PRPF31: variants seen among roughly 807,000 people sequenced by gnomAD.
PRPF31 encodes the protein U4/U6 small nuclear ribonucleoprotein Prp31.
A neutral mutation model predicts 60.4 loss-of-function variants in PRPF31; 12 were observed. The ratio of observed to expected loss-of-function variants is 0.20; its 90% confidence interval spans 0.13 to 0.32. The LOEUF (loss-of-function observed/expected upper bound fraction) is 0.32. PRPF31 is among the 10% of genes least tolerant of loss of function. The pLI is 1.00. For synonymous variants in PRPF31, 287 were observed against 287.9 expected (o/e 1.00, Z 0.03); for missense variants, 431 against 687.1 (o/e 0.63, Z 4.17).
intron 13 of PRPF31, 27 bp from the exon 14 acceptor site, chr19:54,131,280 A>G: frequency 6.2e-7 from 1 of 1,613,460 alleles, no homozygotes; most frequent in Non-Finnish European, 8.5e-7. Context: ...CACCTAACCC[A>G]TCATCCTCTC....
intron 11 of PRPF31, 124 bp from the exon 12 acceptor site, chr19:54,128,933 A>T: frequency 1.0e-6 from 1 of 995,092 alleles, no homozygotes. Context: ...TGGGTACCGG[A>T]GCAGGTGCCC....
chr19:54,131,312 G>A lies in PRPF31; in HGVS notation c.1380G>A (p.Leu460=), dbSNP rs377605774. 2.2e-5 allele frequency: 36 copies of A among 1,613,798 alleles called. No homozygotes were observed. Among genetic ancestry groups the A allele is most frequent in the Non-Finnish European group, 2.9e-5 (34 of 1,179,984 alleles). ...TCTCTCCCTCACCTGCCCAGGGCCT[G>A]GAGATTGTGAACCCACAGGCGGCAG... The part of the protein sequence containing the change: ...SSVAFTPLQG[L]EIVNPQAAEK... The change falls in exon 14 of 14, where the codon CTG becomes CTA. Residue 460 remains leucine, a synonymous_variant. Coordinates refer to ENST00000321030, the MANE Select transcript of PRPF31 (RefSeq NM_015629.4).
intron 13 of PRPF31, among the ~76,000 whole-genome samples, chr19:54,129,833 G>A (rs587674237): frequency 5.3e-5 from 8 of 151,684 alleles, no homozygotes; most frequent in South Asian, 2.1e-4. Context: ...TCGGAGCCTC[G>A]GTTTACCATC....
At position 54,128,217 on chromosome 19, in the gene PRPF31, G is replaced by A. The variant is rs587687884; in HGVS notation, c.1073+17G>A. 1.3e-6 allele frequency: 2 copies of A among 1,569,358 alleles called. No individual in the cohort carries two copies. Among genetic ancestry groups the A allele is most frequent in the South Asian group, 1.2e-5 (1 of 85,428 alleles). On this transcript the variant is annotated intron_variant, in intron 10 of 13. Coordinates refer to ENST00000321030, the MANE Select transcript of PRPF31 (RefSeq NM_015629.4). ...CGGCCGCAGGTGAGGGGCCCTGGGG[G>A]TCCGGTAGGCATGGGGGTCATGGAG...
In PRPF31 at chr19:54,115,800, G is replaced by A. The variant is rs762066202; in HGVS notation, c.-9+3G>A. ...ACAGTGGTGCGCGGAGAGGAGAGGT[G>A]AGTGTGATGGGGACCACGGGGAGCG... On this transcript the variant is annotated splice_donor_region_variant and intron_variant, in intron 1 of 13. Transcript: ENST00000321030. The A allele has an allele frequency of 5.4e-4, 125 of 232,434 alleles. No homozygotes were observed. Among genetic ancestry groups the A allele is most frequent in the Non-Finnish European group, 9.4e-4 (110 of 116,882 alleles). 14.4% of individuals were successfully genotyped at this position (232,434 alleles called of 1,614,324 possible).
chr19:54,128,034 A>G (rs1568597320), intron 9 of PRPF31, 39 bp from the exon 10 acceptor site: 3 of 1,548,050 alleles, frequency 1.9e-6, no homozygotes, highest in Non-Finnish European at 2.6e-6. Context: ...TGGGCAGCCC[A>G]CGCGAGCAGC....
intron 8 of PRPF31, 162 bp from the exon 9 acceptor site, chr19:54,126,366 T>C (rs2073920790): frequency 1.4e-6 from 1 of 697,238 alleles, no homozygotes; most frequent in African/African-American, 1.7e-5. Context: ...CCCCTCTTCC[T>C]GTGAAGTAGG....
chr19:54,123,661 C>T (rs1252147370), intron 6 of PRPF31, 88 bp from the exon 7 acceptor site: 4 of 678,286 alleles, frequency 5.9e-6, no homozygotes, highest in Non-Finnish European at 6.7e-6. Context: ...TACACACATG[C>T]ACACACACAC....
intron 8 of PRPF31, chr19:54,124,998 G>A (rs751309746): frequency 1.9e-4 from 88 of 458,948 alleles, no homozygotes; most frequent in Non-Finnish European, 2.6e-4. Context: ...TCGGGTTAGC[G>A]TGCAACTGCT....
chr19:54,131,319 G>C lies in PRPF31; in HGVS notation c.1387G>C (p.Val463Leu). Residue 463 changes from valine to leucine, a missense_variant, in exon 14 of 14, where the codon GTG becomes CTG. Val to Leu is a conservative substitution (Grantham distance 32). Around this residue, in one of 4 missense-constraint regions of PRPF31, gnomAD observed 314 missense variants for 475.3 expected, o/e 0.66. Coordinates refer to ENST00000321030, the MANE Select transcript of PRPF31 (RefSeq NM_015629.4). Reference sequence around the variant, plus strand: ...CTCACCTGCCCAGGGCCTGGAGATTGTGAACCCACAGGCGGCAGAGAAGAA... The same window carrying C: ...CTCACCTGCCCAGGGCCTGGAGATTCTGAACCCACAGGCGGCAGAGAAGAA... ...AFTPLQGLEIVNPQAAEKKVA... is the reference protein window; with the variant it reads ...AFTPLQGLEILNPQAAEKKVA... 6.2e-7 allele frequency: 1 copy of C among 1,613,968 alleles called. No homozygotes were observed. The highest frequency in any genetic ancestry group is 8.5e-7 in the Non-Finnish European group (1 of 1,180,008).
intron 5 of PRPF31, 174 bp from the exon 6 acceptor site, chr19:54,123,280 G>A: frequency 4.5e-6 from 3 of 666,846 alleles, no homozygotes; most frequent in African/African-American, 1.8e-5. Context: ...TTGACGTGGT[G>A]GAGGCAGGAA....
chr19:54,122,102 T>C, intron 4 of PRPF31, 159 bp downstream of exon 4: 1 of 803,004 alleles, frequency 1.2e-6, no homozygotes, highest in Non-Finnish European at 2.1e-6. Flanking sequence ...GGAAGTGCGT[T>C]CTCTCGCGTA....
In PRPF31 at chr19:54,122,567, T is replaced by A; in HGVS notation, c.393T>A (p.Asn131Lys). The change falls in exon 5 of 14, where the codon AAT becomes AAA. Residue 131 changes from asparagine to lysine, a missense_variant. Coordinates refer to ENST00000321030, the MANE Select transcript of PRPF31 (RefSeq NM_015629.4). Reference sequence around the variant, plus strand: ...CTGAACTGGAGTCCTTGGTCCCCAATGCACTGGATTACATCCGCACGGTCA... The same window carrying A: ...CTGAACTGGAGTCCTTGGTCCCCAAAGCACTGGATTACATCCGCACGGTCA... Reference protein sequence around the residue: ...RFPELESLVPNALDYIRTVKE... With the variant: ...RFPELESLVPKALDYIRTVKE... 1 of 1,614,158 alleles carries A rather than the reference T, an allele frequency of 6.2e-7. No individual in the cohort carries two copies. The highest frequency in any genetic ancestry group is 8.5e-7 in the Non-Finnish European group (1 of 1,179,978).
At chr19:54,122,730 C>T in intron 5 of PRPF31, 136 bp downstream of exon 5, 1 of 779,056 alleles carries the variant, frequency 1.3e-6, no homozygotes, top group Non-Finnish European at 2.3e-6. Context: ...TCTGCTCTGC[C>T]CAGCGTGGGA....
At chr19:54,130,306 C>T (rs1489723388) in intron 13 of PRPF31, among the ~76,000 whole-genome samples, 1 of 151,338 alleles carries the variant, frequency 6.6e-6, no homozygotes, top group African/African-American at 2.4e-5. Flanking sequence ...GCAGACAGCT[C>T]AGTAAGATGC....
In PRPF31 at chr19:54,123,150, G is replaced by A. The variant is rs111244812; in HGVS notation, c.421-304G>A. On this transcript the variant is annotated intron_variant, in intron 5 of 13. Transcript: ENST00000321030. ...GAAGCCCCTGCAGGGAAGCGAGGCC[G>A]CGGATTTGCACTCCGACTTGACGCA... is the stretch of plus-strand genomic sequence containing the variant. 20 of 551,050 alleles carry A rather than the reference G, an allele frequency of 3.6e-5. 1 individual carries two copies. The Middle Eastern group carries it at 1.4e-3, about 40-fold the overall frequency. The allele number at this position is 551,050 out of a possible 1,614,324, so 34.1% of individuals were successfully genotyped here.
chr19:54,118,091 G>A (rs1244113508), intron 1 of PRPF31, 180 bp from the exon 2 acceptor site: 9 of 837,680 alleles, frequency 1.1e-5, no homozygotes, highest in African/African-American at 8.3e-5. Context: ...GTCTTGCACA[G>A]GTCGGAGCTG....
Position 54,129,193 on chromosome 19 carries a change from C to A in PRPF31, c.1275+8C>A. The A allele has an allele frequency of 1.9e-6, 3 of 1,591,344 alleles. No homozygotes were observed. Among genetic ancestry groups the A allele is most frequent in the Non-Finnish European group, 1.7e-6 (2 of 1,169,340 alleles). Reference sequence around the variant, plus strand: ...ATCTCCAAGACGCTGCAGGTATGGGCCAGACCCAGGTGGGGCTGGGGACCG... The same window carrying A: ...ATCTCCAAGACGCTGCAGGTATGGGACAGACCCAGGTGGGGCTGGGGACCG... On this transcript the variant is annotated splice_region_variant and intron_variant, in intron 12 of 13. Transcript: ENST00000321030.
At chr19:54,127,288 G>A (rs1325816017) in intron 9 of PRPF31, among the ~76,000 whole-genome samples, 2 of 152,088 alleles carry the variant, frequency 1.3e-5, no homozygotes, top group African/African-American at 4.8e-5. Context: ...GGGGTCACTG[G>A]CACCCCTTAG....
Sources: allele counts gnomAD v4.1 joint callset (sites outside exome capture counted in the v4.1 genomes callset), GRCh38; gene constraint gnomAD v4.1.1; regional missense constraint gnomAD v4.1.1; transcripts MANE v1.5; gene names NCBI Gene and HGNC (gene_info 2026-07-23, HGNC 2026-07-21).